NRG1: variants seen among roughly 807,000 people sequenced by gnomAD.
NRG1 encodes pro-neuregulin-1, membrane-bound isoform.
NRG1 carries 18 observed loss-of-function variants against 63.8 expected under a neutral mutation model. The ratio of observed to expected loss-of-function variants is 0.28; its 90% CI spans 0.19 to 0.42. The LOEUF (loss-of-function observed/expected upper bound fraction) is 0.42. Ranked by LOEUF, NRG1 falls within the 10% of genes least tolerant of loss-of-function variation. The probability of loss-of-function intolerance (pLI) is 1.00; values close to 1 mark genes in which losing one functional copy is unlikely to be tolerated. For missense variants in NRG1, 762 were observed against 814.7 expected (o/e 0.94, Z 0.79); for synonymous variants, 302 against 301.3 (o/e 1.00, Z -0.02).
chr8:32,255,471 G>A (rs1433355222), intron 1 of NRG1, among the ~76,000 whole-genome samples: 1 of 152,170 alleles, frequency 6.6e-6, no homozygotes, highest in East Asian at 1.9e-4. Context: ...GGCTGGATAT[G>A]TAATTCTGGG....
chr8:32,191,528 C>T (rs1354089916), intron 1 of NRG1, among the ~76,000 whole-genome samples: 3 of 152,218 alleles, frequency 2.0e-5, no homozygotes, highest in Non-Finnish European at 4.4e-5. Context: ...TCATCATAGG[C>T]ATATGTAATG....
chr8:32,497,063 T>TCCAAGTGC (rs1307639096), intron 1 of NRG1, among the ~76,000 whole-genome samples: 1 of 152,184 alleles, frequency 6.6e-6, no homozygotes, highest in Non-Finnish European at 1.5e-5. Context: ...ATGTTTCACA[T>TCCAAGTGC]CCAAGTGCCC....
intron 1 of NRG1, among the ~76,000 whole-genome samples, chr8:32,373,309 G>T (rs1809174472): frequency 6.6e-6 from 1 of 152,174 alleles, no homozygotes; most frequent in Non-Finnish European, 1.5e-5. Flanking sequence ...GATTTTGACA[G>T]TGTAAATTTG....
rs114409468 is a variant in NRG1 at position 31,703,925 on chromosome 8, C to T, written c.37+64494C>T. 4.5e-3 allele frequency among the ~76,000 whole-genome samples: 686 copies of T among 152,290 alleles called. 9 individuals carry two copies. The highest frequency in any genetic ancestry group is 0.015 in the African/African-American group (642 of 41,554). ...TAATTAATTTTTCTTAAACACTTTG[C>T]CCTCCACACATTTTGCCTAAAACCT... On this transcript the variant is annotated intron_variant, in intron 1 of 10. Transcript: ENST00000519301.
chr8:32,143,180 G>T (rs1836470624), intron 1 of NRG1, among the ~76,000 whole-genome samples: 1 of 152,098 alleles, frequency 6.6e-6, no homozygotes, highest in African/African-American at 2.4e-5. Context: ...TACTGCCCTT[G>T]ATTGGGCAGA....
chr8:32,456,700 T>A (rs1821639149), intron 1 of NRG1, among the ~76,000 whole-genome samples: 1 of 152,216 alleles, frequency 6.6e-6, no homozygotes, highest in South Asian at 2.1e-4. Flanking sequence ...AGGCTTCTAG[T>A]CAACAGTAGG....
intron 1 of NRG1, among the ~76,000 whole-genome samples, chr8:32,375,890 C>T (rs991776946): frequency 2.6e-5 from 4 of 152,078 alleles, no homozygotes; most frequent in African/African-American, 9.7e-5. Context: ...TATGGTCGGC[C>T]CTTAAAGACA....
intron 1 of NRG1, among the ~76,000 whole-genome samples, chr8:32,499,061 C>T (rs1203024257): frequency 6.6e-6 from 1 of 152,098 alleles, no homozygotes; most frequent in African/African-American, 2.4e-5. Flanking sequence ...GGTAAGAGAC[C>T]TGCAAAGGGA....
At position 31,796,414 on chromosome 8, in the gene NRG1, C is replaced by CTTTTTTTTTTTT. The variant is rs1158508289; in HGVS notation, c.37+157008_37+157019dup. Among the ~76,000 whole-genome samples the CTTTTTTTTTTTT allele has an allele frequency of 9.2e-5, 4 of 43,374 alleles. 1 individual carries two copies. The highest frequency in any genetic ancestry group is 8.2e-5 in the Non-Finnish European group (2 of 24,460). The allele number at this position is 43,374 out of a possible 152,430, so 28.5% of individuals were successfully genotyped here. On this transcript the variant is annotated intron_variant, in intron 1 of 10. Coordinates refer to the NRG1 transcript ENST00000519301. ...ATAACCAAATAAGATGGCGTATAAT[C>CTTTTTTTTTTTT]TTTTTTTTTTTTTTTTTTTTTTTTT...
chr8:32,070,151 A>G (rs1282693382), intron 1 of NRG1, among the ~76,000 whole-genome samples: 1 of 152,206 alleles, frequency 6.6e-6, no homozygotes, highest in Non-Finnish European at 1.5e-5. Flanking sequence ...TATATTAACA[A>G]CACATTATAT....
chr8:32,174,211 G>A (rs2132038707), intron 1 of NRG1, among the ~76,000 whole-genome samples: 1 of 152,224 alleles, frequency 6.6e-6, no homozygotes, highest in Admixed American at 6.5e-5. Context: ...CAACTACAAG[G>A]AAACTGAACA....
intron 1 of NRG1, among the ~76,000 whole-genome samples, chr8:31,720,458 C>A (rs1812800999): frequency 6.6e-6 from 1 of 152,154 alleles, no homozygotes; most frequent in Non-Finnish European, 1.5e-5. Context: ...ATTAGCTATT[C>A]TTCCTGATGC....
intron 1 of NRG1, among the ~76,000 whole-genome samples, chr8:32,148,019 G>A (rs899847110): frequency 2.0e-4 from 31 of 151,990 alleles, no homozygotes; most frequent in Admixed American, 9.2e-4. Flanking sequence ...ACAAATACTC[G>A]TGAAAGTCTT....
chr8:32,665,271 A>G (rs1803848289), intron 5 of NRG1, among the ~76,000 whole-genome samples: 1 of 152,140 alleles, frequency 6.6e-6, no homozygotes, highest in Non-Finnish European at 1.5e-5. Flanking sequence ...CCTACTTAAT[A>G]TTACAGATTC....
intron 1 of NRG1, among the ~76,000 whole-genome samples, chr8:32,018,600 A>G (rs1042673311): frequency 1.3e-5 from 2 of 152,204 alleles, no homozygotes; most frequent in Admixed American, 1.3e-4. Flanking sequence ...TCTTTCACAC[A>G]GCAGTACTTT....
At chr8:32,363,224 A>G (rs1807469481) in intron 1 of NRG1, among the ~76,000 whole-genome samples, 2 of 152,208 alleles carry the variant, frequency 1.3e-5, no homozygotes, top group South Asian at 2.1e-4. Flanking sequence ...ATTCACCTCC[A>G]TGACTAGCCT....
chr8:31,959,210 A>G (rs1022944138), intron 1 of NRG1, among the ~76,000 whole-genome samples: 1 of 152,218 alleles, frequency 6.6e-6, no homozygotes, highest in African/African-American at 2.4e-5. Context: ...TGTGTCTTGA[A>G]AAGTTCTGTT....
At chr8:32,661,550 C>T (rs1425127969) in intron 5 of NRG1, among the ~76,000 whole-genome samples, 1 of 151,528 alleles carries the variant, frequency 6.6e-6, no homozygotes, top group Non-Finnish European at 1.5e-5. Flanking sequence ...TGTGAAATGA[C>T]TGGGTCTTAA....
intron 1 of NRG1, among the ~76,000 whole-genome samples, chr8:31,890,938 G>T (rs1831096903): frequency 6.6e-6 from 1 of 152,154 alleles, no homozygotes; most frequent in Non-Finnish European, 1.5e-5. Context: ...AAATGGTGCT[G>T]GATGCCCAAT....
Sources: gnomAD v4.1 joint callset for allele counts (sites outside exome capture counted in the v4.1 genomes callset) on GRCh38, gnomAD v4.1.1 for gene constraint, MANE v1.5 for transcripts, NCBI Gene and HGNC (gene_info 2026-07-23, HGNC 2026-07-21) for gene names.